Variants in FGFR1OP2 observed in about 807,000 individuals in gnomAD.
The protein encoded by FGFR1OP2 is fibroblast growth factor receptor 1 oncogene partner 2.
Under a neutral mutation model 35.2 loss-of-function variants are expected in FGFR1OP2, and 17 were observed. That is an observed-to-expected ratio of 0.48 (90% confidence interval 0.33 to 0.73). The LOEUF (loss-of-function observed/expected upper bound fraction) is 0.73. Among genes scored for constraint, FGFR1OP2 ranks in the 30% least tolerant of loss-of-function variants. The pLI, the probability that FGFR1OP2 is intolerant of heterozygous loss-of-function variation, is 0.02. For missense variants in FGFR1OP2, 251 were observed against 307.3 expected, an observed-to-expected ratio of 0.82 and a Z score of 1.37; for synonymous variants, 105 against 104.6, an observed-to-expected ratio of 1.00 and a Z score of -0.03.
intron 4 of FGFR1OP2, 83 bp from the exon 5 acceptor site, chr12:26,960,432 C>G (rs779052019): frequency 2.4e-6 from 2 of 837,278 alleles, no homozygotes; most frequent in Non-Finnish European, 3.5e-6. Context: ...AAACAGTTGG[C>G]TAACACGCAT....
At chr12:26,938,831 G>C (rs1378025390) in intron 1 of FGFR1OP2, 121 bp downstream of exon 1, 1 of 152,230 alleles carries the variant, frequency 6.6e-6, no homozygotes, top group Admixed American at 6.5e-5. Flanking sequence ...GCCCGGCCCT[G>C]TCCGCTTCCC....
chr12:26,961,779 T>G (rs1372450386), intron 5 of FGFR1OP2: 1 of 152,248 alleles, frequency 6.6e-6, no homozygotes, highest in African/African-American at 2.4e-5. Context: ...TTTTTTAACT[T>G]AGGTCAGTGC....
intron 5 of FGFR1OP2, chr12:26,963,136 CTTA>C: frequency 2.4e-6 from 1 of 417,750 alleles, no homozygotes; most frequent in Non-Finnish European, 4.3e-6. Flanking sequence ...TATTGTGCTG[CTTA>C]TTCTTAATTC....
chr12:26,944,833 A>G (rs1938795473), intron 1 of FGFR1OP2, among the ~76,000 whole-genome samples: 1 of 152,164 alleles, frequency 6.6e-6, no homozygotes, highest in African/African-American at 2.4e-5. Flanking sequence ...GAAGCCATCC[A>G]GGTCTGGAGA....
Position 26,955,178 on chromosome 12 carries a change from T to C in FGFR1OP2, c.135+885T>C, listed in dbSNP as rs182310227. On this transcript the variant is annotated intron_variant, in intron 2 of 6. Transcript: ENST00000229395. Reference sequence around the variant, plus strand: ...GTATTGAGTTGTTAAAAAAGGAGTTTGACATCTGAAGTTAAGAACCAGGAG... The same window carrying C: ...GTATTGAGTTGTTAAAAAAGGAGTTCGACATCTGAAGTTAAGAACCAGGAG... Among the ~76,000 whole-genome samples the C allele has an allele frequency of 4.2e-3, 644 of 152,314 alleles. 6 individuals are homozygous for C. Among genetic ancestry groups the C allele is most frequent in the African/African-American group, 0.015 (624 of 41,582 alleles).
chr12:26,954,445 G>A (rs1938987833), intron 2 of FGFR1OP2, 152 bp downstream of exon 2: 9 of 905,094 alleles, frequency 9.9e-6, no homozygotes, highest in South Asian at 4.7e-5. Context: ...TAATTTTGTC[G>A]TGTTCAGGTG....
chr12:26,940,857 A>T (rs1938723517), intron 1 of FGFR1OP2, among the ~76,000 whole-genome samples: 1 of 152,176 alleles, frequency 6.6e-6, no homozygotes, highest in African/African-American at 2.4e-5. Context: ...AATTTCTCTT[A>T]CATTTCATTT....
Position 26,954,268 on chromosome 12 carries a change from A to G in FGFR1OP2, c.110A>G (p.Asn37Ser), listed in dbSNP as rs1938984885. The G allele has an allele frequency of 6.2e-7, 1 of 1,608,988 alleles. No individual in the cohort carries two copies. Among genetic ancestry groups the G allele is most frequent in the Non-Finnish European group, 8.5e-7 (1 of 1,177,406 alleles). ...CTGATTGAGCAAACCACAGCTCTCA[A>G]CAAGCGAGTAGAAGCCATGAAACAG... is the stretch of plus-strand genomic sequence containing the variant. The part of the protein sequence containing the change: ...ESLIEQTTAL[N>S]KRVEAMKQYQ... Residue 37 changes from asparagine (N) to serine (S), a missense_variant, in exon 2 of 7, where the codon AAC becomes AGC. Transcript: ENST00000229395.
chr12:26,953,673 T>C (rs1938973969), intron 1 of FGFR1OP2: 1 of 152,294 alleles, frequency 6.6e-6, no homozygotes, highest in Admixed American at 6.5e-5. Flanking sequence ...GCAGTGTTTG[T>C]GAACAGTGTG....
chr12:26,950,220 T>TTTTTTTTTG (rs1938902374), intron 1 of FGFR1OP2, among the ~76,000 whole-genome samples: 1 of 105,786 alleles, frequency 9.5e-6, no homozygotes, highest in African/African-American at 3.9e-5. Context: ...GTTGTTTTTT[T>TTTTTTTTTG]TTTTTTTTTT....
intron 5 of FGFR1OP2, 31 bp downstream of exon 5, chr12:26,960,659 T>C (rs1309573135): frequency 6.3e-7 from 1 of 1,587,790 alleles, no homozygotes; most frequent in African/African-American, 1.3e-5. Context: ...ACTTTTGGGG[T>C]GTGGATGGAA....
In FGFR1OP2 at chr12:26,960,503, T is replaced by G. The variant is rs1380348294; in HGVS notation, c.397-12T>G. The G allele has an allele frequency of 6.3e-7, 1 of 1,585,904 alleles. No homozygotes were observed. The highest frequency in any genetic ancestry group is 8.6e-7 in the Non-Finnish European group (1 of 1,156,970). ...ATATCCGTATTAACATTATAATGAC[T>G]CTATACTACAGATTGACATGGTACA... On this transcript the variant is annotated splice_polypyrimidine_tract_variant and intron_variant, in intron 4 of 6. Coordinates refer to ENST00000229395, the MANE Select transcript of FGFR1OP2 (RefSeq NM_015633.3).
intron 1 of FGFR1OP2, among the ~76,000 whole-genome samples, chr12:26,945,667 C>T (rs1263280082): frequency 6.6e-6 from 1 of 152,148 alleles, no homozygotes; most frequent in Non-Finnish European, 1.5e-5. Context: ...TCAGGACCAG[C>T]CTGGCCAACG....
In FGFR1OP2 at chr12:26,963,344, A is replaced by G. The variant is rs1233124334; in HGVS notation, c.513A>G (p.Glu171=). Reference sequence around the variant, plus strand: ...CAACTCCCATCCCTCTTTTTCAGGAACTGCAAGCACATGTTGACCAGATAA... The same window carrying G: ...CAACTCCCATCCCTCTTTTTCAGGAGCTGCAAGCACATGTTGACCAGATAA... ...ERRHLEANQN[E]LQAHVDQITE... Residue 171 remains glutamate, a splice_region_variant and synonymous_variant, in exon 6 of 7, where the codon GAA becomes GAG. Transcript: ENST00000229395. 1.3e-6 allele frequency: 2 copies of G among 1,586,320 alleles called. No homozygotes were observed. Among genetic ancestry groups the G allele is most frequent in the Middle Eastern group, 1.7e-4 (1 of 5,920 alleles).
chr12:26,954,980 C>T (rs1300466004), intron 2 of FGFR1OP2, among the ~76,000 whole-genome samples: 1 of 152,154 alleles, frequency 6.6e-6, no homozygotes, highest in East Asian at 1.9e-4. Flanking sequence ...CAAATCTCCT[C>T]ATCTATTTTG....
chr12:26,939,132 C>T (rs1337936291), intron 1 of FGFR1OP2, among the ~76,000 whole-genome samples: 1 of 152,180 alleles, frequency 6.6e-6, no homozygotes, highest in Non-Finnish European at 1.5e-5. Flanking sequence ...CCTTTCTTCT[C>T]TATCCCATCT....
chr12:26,951,178 C>T (rs1938922763), intron 1 of FGFR1OP2, among the ~76,000 whole-genome samples: 1 of 151,576 alleles, frequency 6.6e-6, no homozygotes, highest in Non-Finnish European at 1.5e-5. Flanking sequence ...TGAGATGCAG[C>T]CTCACTCTGA....
At chr12:26,963,524 A>T in intron 6 of FGFR1OP2, 69 bp downstream of exon 6, 1 of 958,744 alleles carries the variant, frequency 1.0e-6, no homozygotes, top group Non-Finnish European at 1.6e-6. Context: ...AATATATCCC[A>T]TTTTTAAATA....
chr12:26,952,675 C>CTT (rs763886345), intron 1 of FGFR1OP2, among the ~76,000 whole-genome samples: 9 of 132,536 alleles, frequency 6.8e-5, no homozygotes, highest in African/African-American at 1.9e-4. Context: ...CTACTTGTTG[C>CTT]TTTTTTTTTT....
Sources: gnomAD v4.1 joint callset for allele counts (sites outside exome capture counted in the v4.1 genomes callset) on GRCh38, gnomAD v4.1.1 for gene constraint, MANE v1.5 for transcripts, NCBI Gene and HGNC (gene_info 2026-07-23, HGNC 2026-07-21) for gene names.